MAP3K2: variants seen among roughly 807,000 people sequenced by gnomAD.
The protein encoded by MAP3K2 is MAP/ERK kinase kinase 2.
Under a neutral mutation model 80.3 loss-of-function variants are expected in MAP3K2, and 24 were observed. The ratio of observed to expected loss-of-function variants is 0.30; its 90% CI spans 0.22 to 0.42. The LOEUF is 0.42. Ranked by LOEUF, MAP3K2 falls within the 10% of genes least tolerant of loss-of-function variation. The pLI, the probability that MAP3K2 is intolerant of heterozygous loss-of-function variation, is 1.00. For synonymous variants in MAP3K2, 244 were observed against 253.7 expected (o/e 0.96, Z 0.36); for missense variants, 608 against 750.1 (o/e 0.81, Z 2.21).
chr2:127,339,054 G>A lies in MAP3K2; in HGVS notation c.5-4C>T. The A allele has an allele frequency of 6.3e-7, 1 of 1,584,378 alleles. No homozygotes were observed. The highest frequency in any genetic ancestry group is 8.6e-7 in the Non-Finnish European group (1 of 1,157,484). ...GAGTTCAAAGCTTGCTGATCATCTAGGTAGTTTTGAAACAACACATACATA... is the reference window on the plus strand; with the variant it reads ...GAGTTCAAAGCTTGCTGATCATCTAAGTAGTTTTGAAACAACACATACATA... On this transcript the variant is annotated splice_polypyrimidine_tract_variant and splice_region_variant and intron_variant, in intron 2 of 16. Transcript: ENST00000682094. This position sits in a 1 kb window ranked among gnomAD's most constrained non-coding sequence, Gnocchi z 4.2.
Position 127,306,339 on chromosome 2 carries a change from G to A in MAP3K2, c.*1240C>T, listed in dbSNP as rs1339727072. On this transcript the variant is annotated 3_prime_UTR_variant, in exon 17 of 17. Coordinates refer to ENST00000682094, the MANE Select transcript of MAP3K2 (RefSeq NM_001371910.2). This position sits in a 1 kb window ranked among gnomAD's most constrained non-coding sequence, Gnocchi z 4.7. ...TTCCTTGTGTATTATAATCTATTTA[G>A]CAACATCCCTGGCCTCTACCCAATT... 1 of 152,102 alleles carries A rather than the reference G, an allele frequency of 6.6e-6. No homozygotes were observed. The highest frequency in any genetic ancestry group is 1.9e-4 in the East Asian group (1 of 5,200). The allele number at this position is 152,102 out of a possible 1,614,324, so 9.4% of individuals were successfully genotyped here.
chr2:127,328,672 C>T (rs1431848151), intron 7 of MAP3K2, among the ~76,000 whole-genome samples: 2 of 152,138 alleles, frequency 1.3e-5, no homozygotes, highest in African/African-American at 4.8e-5. Flanking sequence ...TTCCTGAAAC[C>T]CAAAGTAGGA....
rs141771049 is a variant in MAP3K2, at chr2:127,305,557, C to T, written c.*2022G>A. ...CTACCTAACTTCAGAAACAAAGTAT[C>T]GTAAAAGAGTCCCTAAATAAGCACA... On this transcript the variant is annotated 3_prime_UTR_variant, in exon 17 of 17. Transcript: ENST00000682094. 3 of 152,204 alleles carry T rather than the reference C, an allele frequency of 2.0e-5. No individual in the cohort carries two copies. The highest frequency in any genetic ancestry group is 2.9e-5 in the Non-Finnish European group (2 of 67,964). 9.4% of individuals were successfully genotyped at this position (152,204 alleles called of 1,614,324 possible). A position where few individuals can be genotyped will look rare whatever the true frequency, so the allele number is the denominator to read the frequency against.
In MAP3K2 at chr2:127,304,910, ACT is replaced by A. The variant is rs766936253; in HGVS notation, c.*2667_*2668del. On this transcript the variant is annotated 3_prime_UTR_variant, in exon 17 of 17. Transcript: ENST00000682094. ...AATTCACATCGTATTTTATATAATA[ACT>A]CTGTAAACTATTAGTCTATTTTTAA... 6.6e-6 allele frequency: 1 copy of A among 152,456 alleles called. No individual in the cohort carries two copies. The highest frequency in any genetic ancestry group is 2.4e-5 in the African/African-American group (1 of 41,404). The allele number at this position is 152,456 out of a possible 1,614,324, so 9.4% of individuals were successfully genotyped here. A position where few individuals can be genotyped will look rare whatever the true frequency, so the allele number is the denominator to read the frequency against.
intron 7 of MAP3K2, among the ~76,000 whole-genome samples, chr2:127,328,391 A>C (rs182279575): frequency 6.6e-6 from 1 of 152,354 alleles, no homozygotes; most frequent in African/African-American, 2.4e-5. Context: ...GCTTTGTACA[A>C]TGTACAAAAT....
intron 1 of MAP3K2, among the ~76,000 whole-genome samples, chr2:127,377,078 C>T (rs1484804432): frequency 6.6e-6 from 1 of 151,550 alleles, no homozygotes; most frequent in Admixed American, 6.6e-5. Flanking sequence ...AAAAAGAAAT[C>T]ATACTGAAAA....
chr2:127,329,015 A>G (rs1244253807), intron 7 of MAP3K2, among the ~76,000 whole-genome samples: 1 of 152,228 alleles, frequency 6.6e-6, no homozygotes, highest in Non-Finnish European at 1.5e-5. Context: ...AAAAATGTAG[A>G]TTATCAATGT....
Position 127,337,775 on chromosome 2 carries a change from C to A in MAP3K2, c.127G>T (p.Asp43Tyr). The change falls in exon 4 of 17, where the codon GAT (aspartate) becomes TAT (tyrosine). Residue 43 changes from aspartate (D) to tyrosine (Y), a missense_variant. Coordinates refer to ENST00000682094, the MANE Select transcript of MAP3K2 (RefSeq NM_001371910.2). Reference sequence around the variant, plus strand: ...CTATGTTCAAATTTGACTCGGACATCATTCTGTAATGAAATGACAAATCAG... The same window carrying A: ...CTATGTTCAAATTTGACTCGGACATAATTCTGTAATGAAATGACAAATCAG... ...AKSSSPKKQN[D>Y]VRVKFEHRGE... 1 of 1,524,526 alleles carries A rather than the reference C, an allele frequency of 6.6e-7. No homozygotes were observed. The highest frequency in any genetic ancestry group is 1.2e-5 in the South Asian group (1 of 82,360). The allele number at this position is 1,524,526 out of a possible 1,614,324, so 94.4% of individuals were successfully genotyped here. A position where few individuals can be genotyped will look rare whatever the true frequency, so the allele number is the denominator to read the frequency against.
At chr2:127,366,384 GAA>G (rs61497433) in intron 1 of MAP3K2, among the ~76,000 whole-genome samples, 1 of 87,400 alleles carries the variant, frequency 1.1e-5, no homozygotes. Flanking sequence ...CCTATCTCTG[GAA>G]AAAAAAAAAA....
chr2:127,378,814 C>A (rs191441795), intron 1 of MAP3K2, among the ~76,000 whole-genome samples: 1 of 152,076 alleles, frequency 6.6e-6, no homozygotes, highest in African/African-American at 2.4e-5. Flanking sequence ...TTACCCAGAC[C>A]GGAAAGCAGC....
intron 15 of MAP3K2, among the ~76,000 whole-genome samples, chr2:127,312,557 A>G (rs928921855): frequency 8.5e-5 from 13 of 152,128 alleles, no homozygotes; most frequent in African/African-American, 3.1e-4. Context: ...GCTACTCAGG[A>G]GGCTGAGGTG....
chr2:127,345,960 C>T (rs1686588843), intron 1 of MAP3K2, among the ~76,000 whole-genome samples: 1 of 150,682 alleles, frequency 6.6e-6, no homozygotes, highest in Non-Finnish European at 1.5e-5. Context: ...AGATGAGGAA[C>T]AATTTAAATC....
At chr2:127,317,608 C>A (rs949395683) in intron 14 of MAP3K2, 21 bp downstream of exon 14, 2 of 1,500,900 alleles carry the variant, frequency 1.3e-6, no homozygotes, top group Non-Finnish European at 1.8e-6. Flanking sequence ...TGTGTATTTT[C>A]AAAAAGATGT....
chr2:127,348,370 AGAGT>A (rs1686634593), intron 1 of MAP3K2, among the ~76,000 whole-genome samples: 1 of 152,208 alleles, frequency 6.6e-6, no homozygotes, highest in Admixed American at 6.5e-5. Context: ...CCTGGACAAC[AGAGT>A]GAGACTTCAT....
At chr2:127,353,417 G>T (rs527391546) in intron 1 of MAP3K2, among the ~76,000 whole-genome samples, 3 of 150,998 alleles carry the variant, frequency 2.0e-5, no homozygotes, top group African/African-American at 7.3e-5. Context: ...GAGACCCTCC[G>T]CCCGGCAGCC....
At chr2:127,330,577 AAGG>A in intron 5 of MAP3K2, 72 bp from the exon 6 acceptor site, 1 of 655,170 alleles carries the variant, frequency 1.5e-6, no homozygotes, top group Non-Finnish European at 2.7e-6. Context: ...CTCCACTACT[AAGG>A]AATTACAAAT....
chr2:127,363,656 AT>A (rs1686925802), intron 1 of MAP3K2, among the ~76,000 whole-genome samples: 2 of 152,164 alleles, frequency 1.3e-5, no homozygotes, highest in African/African-American at 4.8e-5. Flanking sequence ...TAAAAATGTT[AT>A]TTGTGTAGCT....
chr2:127,333,807 A>T (rs892483817), intron 5 of MAP3K2, among the ~76,000 whole-genome samples: 2 of 151,216 alleles, frequency 1.3e-5, no homozygotes, highest in Non-Finnish European at 2.9e-5. Context: ...GTTCTTAAAA[A>T]TACAGATCAG....
At chr2:127,308,245 A>ATT (rs1685744806) in intron 16 of MAP3K2, among the ~76,000 whole-genome samples, 2 of 152,254 alleles carry the variant, frequency 1.3e-5, no homozygotes, top group Non-Finnish European at 2.9e-5. Context: ...GATTAAATGA[A>ATT]TTATAAGACA....
Sources: gnomAD v4.1 joint callset for allele counts (sites outside exome capture counted in the v4.1 genomes callset) on GRCh38, gnomAD v4.1.1 for gene constraint, Gnocchi (gnomAD v3.1) non-coding constraint, MANE v1.5 for transcripts, NCBI Gene and HGNC (gene_info 2026-07-23, HGNC 2026-07-21) for gene names.